The following FRY variants were observed in gnomAD, a reference collection of about 807,000 sequenced individuals.
FRY encodes protein furry homolog.
A neutral mutation model predicts 348.4 loss-of-function variants in FRY; 128 were observed. The observed-to-expected ratio is 0.37, with a 90% confidence interval of 0.32 to 0.43. The LOEUF is 0.43. FRY is among the 20% of genes least tolerant of loss of function. The pLI, the probability that FRY is intolerant of heterozygous loss-of-function variation, is 1.00. For missense variants in FRY, 2,736 were observed against 3,695.2 expected (o/e 0.74, Z 6.73); for synonymous variants, 1,370 against 1,374.7 (o/e 1.00, Z 0.08).
At chr13:32,235,877 A>T (rs1214748500) in intron 42 of FRY, among the ~76,000 whole-genome samples, 1 of 152,198 alleles carries the variant, frequency 6.6e-6, no homozygotes, top group African/African-American at 2.4e-5. Context: ...GCTCTTAGAC[A>T]TAGGAAAATA....
chr13:32,214,392 T>G (rs1334077900), intron 35 of FRY, among the ~76,000 whole-genome samples: 1 of 152,216 alleles, frequency 6.6e-6, no homozygotes, highest in Admixed American at 6.5e-5. Flanking sequence ...GCTTTGAATG[T>G]GGCCCAACAC....
intron 50 of FRY, among the ~76,000 whole-genome samples, chr13:32,253,172 C>T (rs1269866196): frequency 6.6e-6 from 1 of 152,232 alleles, no homozygotes; most frequent in Non-Finnish European, 1.5e-5. Context: ...TCAGAAATCT[C>T]ATGTCTCGTC....
chr13:32,090,142 C>A lies in FRY; in HGVS notation c.270+11109C>A, dbSNP rs568201547. Among the ~76,000 whole-genome samples, 400 of 151,654 alleles carry A rather than the reference C, an allele frequency of 2.6e-3. 1 individual carries two copies. Among genetic ancestry groups the A allele is most frequent in the African/African-American group, 9.2e-3 (382 of 41,376 alleles). Reference sequence around the variant, plus strand: ...GGCGGGTGGATCACGAGGTCAGGAGCTCAAGACCATCCTGGCTAACACGGT... The same window carrying A: ...GGCGGGTGGATCACGAGGTCAGGAGATCAAGACCATCCTGGCTAACACGGT... On this transcript the variant is annotated intron_variant, in intron 2 of 60. Coordinates refer to ENST00000542859, the MANE Select transcript of FRY (RefSeq NM_023037.3).
At chr13:32,091,751 C>T (rs1031011434) in intron 2 of FRY, among the ~76,000 whole-genome samples, 2 of 152,156 alleles carry the variant, frequency 1.3e-5, no homozygotes, top group African/African-American at 4.8e-5. Flanking sequence ...TAAGACCAGA[C>T]ATTTATATTA....
In FRY at chr13:32,298,996, T is replaced by C. The variant is rs868160498; in HGVS notation, c.*3536T>C. The C allele has an allele frequency of 6.6e-6, 1 of 152,252 alleles. No homozygotes were observed. Among genetic ancestry groups the C allele is most frequent in the African/African-American group, 2.4e-5 (1 of 41,476 alleles). 9.4% of individuals were successfully genotyped at this position (152,252 alleles called of 1,614,324 possible). A position where few individuals can be genotyped will look rare whatever the true frequency, so the allele number is the denominator to read the frequency against. On this transcript the variant is annotated 3_prime_UTR_variant, in exon 61 of 61. Coordinates refer to ENST00000542859, the MANE Select transcript of FRY (RefSeq NM_023037.3). ...TTCATAGCGATGAAGAAAAGCTCTA[T>C]AACAAAAGTTCCGTTGTGGTGGTTA...
intron 1 of FRY, among the ~76,000 whole-genome samples, chr13:32,044,035 T>C (rs947987116): frequency 1.3e-5 from 2 of 152,024 alleles, no homozygotes; most frequent in African/African-American, 2.4e-5. Context: ...TCTCTTTTGT[T>C]TTTAAATAAA....
At chr13:32,108,598 A>T (rs9567188) in intron 3 of FRY, among the ~76,000 whole-genome samples, 9,737 of 152,260 alleles carry the variant, frequency 0.064, 433 homozygotes, top group East Asian at 0.24. Flanking sequence ...TAAATTCCAA[A>T]AAACAGACAC....
Position 32,237,231 on chromosome 13 carries a change from C to A in FRY, c.5811-148C>A. Reference sequence around the variant, plus strand: ...GTTTCTCTTGTTTTGTTTTTTATAGCTTTAAAGATAAGGAAAAATAAATGA... The same window carrying A: ...GTTTCTCTTGTTTTGTTTTTTATAGATTTAAAGATAAGGAAAAATAAATGA... On this transcript the variant is annotated intron_variant, in intron 43 of 60. Transcript: ENST00000542859. This position sits in a 1 kb window ranked among gnomAD's most constrained non-coding sequence, Gnocchi z 6.3. 2 of 807,840 alleles carry A rather than the reference C, an allele frequency of 2.5e-6. No homozygotes were observed. The highest frequency in any genetic ancestry group is 3.9e-6 in the Non-Finnish European group (2 of 509,316). The allele number at this position is 807,840 out of a possible 1,614,324, so 50.0% of individuals were successfully genotyped here.
intron 2 of FRY, among the ~76,000 whole-genome samples, chr13:32,081,164 C>T (rs1271103865): frequency 2.0e-5 from 3 of 152,070 alleles, no homozygotes; most frequent in African/African-American, 7.2e-5. Context: ...TATGAAACAA[C>T]TAAAATGTCC....
intron 3 of FRY, among the ~76,000 whole-genome samples, chr13:32,112,218 C>T (rs1878014637): frequency 6.6e-6 from 1 of 152,028 alleles, no homozygotes; most frequent in East Asian, 1.9e-4. Flanking sequence ...TTAACTTAGC[C>T]TGTGATCTCA....
Position 32,037,587 on chromosome 13 carries a change from G to A in FRY, c.70+5722G>A, listed in dbSNP as rs888929751. On this transcript the variant is annotated intron_variant, in intron 1 of 60. Coordinates refer to ENST00000542859, the MANE Select transcript of FRY (RefSeq NM_023037.3). ...ATGCTGCTTGATGAAGTCCCAACAAGAATTGAAAGAGAAAAGCAAACAGCA... is the reference window on the plus strand; with the variant it reads ...ATGCTGCTTGATGAAGTCCCAACAAAAATTGAAAGAGAAAAGCAAACAGCA... Among the ~76,000 whole-genome samples the A allele has an allele frequency of 2.6e-5, 4 of 152,278 alleles. No homozygotes were observed. The South Asian group carries it at 8.3e-4, about 32-fold the overall frequency.
intron 7 of FRY, among the ~76,000 whole-genome samples, chr13:32,127,692 T>C (rs1879106967): frequency 6.6e-6 from 1 of 151,874 alleles, no homozygotes; most frequent in South Asian, 2.1e-4. Context: ...GGCAGGAGAA[T>C]CGCTTGAACC....
At chr13:32,050,464 G>A (rs1873264508) in intron 1 of FRY, among the ~76,000 whole-genome samples, 1 of 152,184 alleles carries the variant, frequency 6.6e-6, no homozygotes, top group South Asian at 2.1e-4. Context: ...ACAGGCATTA[G>A]CAGTTGTTTC....
intron 58 of FRY, 33 bp downstream of exon 58, chr13:32,278,581 G>A (rs1322953006): frequency 4.6e-6 from 5 of 1,096,544 alleles, no homozygotes; most frequent in African/African-American, 3.1e-5. Flanking sequence ...GGTCTCTTGT[G>A]TGCTCTAACA....
At chr13:32,223,621 A>G (rs190953295) in intron 36 of FRY, among the ~76,000 whole-genome samples, 3 of 152,260 alleles carry the variant, frequency 2.0e-5, no homozygotes, top group African/African-American at 4.8e-5. Flanking sequence ...TTAAAATAAT[A>G]ATAATAATTT....
At chr13:32,124,485 G>C in intron 5 of FRY, 109 bp downstream of exon 5, 8 of 863,022 alleles carry the variant, frequency 9.3e-6, no homozygotes, top group South Asian at 8.5e-5. Context: ...CAAATACTGG[G>C]TTATATGACT....
chr13:32,038,144 C>G (rs573040459), intron 1 of FRY, among the ~76,000 whole-genome samples: 1 of 152,224 alleles, frequency 6.6e-6, no homozygotes, highest in East Asian at 1.9e-4. Context: ...TTAATTCTTC[C>G]TAAGTTCAGT....
At chr13:32,031,965 C>T (rs1037165868) in intron 1 of FRY, 100 bp downstream of exon 1, 5 of 698,538 alleles carry the variant, frequency 7.2e-6, no homozygotes, top group Non-Finnish European at 1.3e-5. Context: ...TTGTGAGCCG[C>T]GGAAGTTTTT....
At chr13:32,241,539 T>C (rs1266489373) in intron 46 of FRY, among the ~76,000 whole-genome samples, 1 of 152,194 alleles carries the variant, frequency 6.6e-6, no homozygotes, top group Non-Finnish European at 1.5e-5. Context: ...GTACAGAATT[T>C]CAGTTTGGGA....
Sources: allele counts gnomAD v4.1 joint callset (sites outside exome capture counted in the v4.1 genomes callset), GRCh38; gene constraint gnomAD v4.1.1; non-coding constraint Gnocchi (gnomAD v3.1); transcripts MANE v1.5; gene names NCBI Gene and HGNC (gene_info 2026-07-23, HGNC 2026-07-21).